PAX2: variants seen among roughly 807,000 people sequenced by gnomAD.
The protein encoded by PAX2 is paired box protein Pax-2.
In PAX2, 9 loss-of-function variants were observed where a neutral mutation model predicts 41.7. The ratio of observed to expected loss-of-function variants is 0.22; its 90% confidence interval spans 0.13 to 0.38. The LOEUF (loss-of-function observed/expected upper bound fraction) is 0.38, where lower values mean the gene tolerates loss of function less well. PAX2 is among the 10% of genes least tolerant of loss of function. The probability of loss-of-function intolerance (pLI) is 1.00; values close to 1 mark genes in which losing one functional copy is unlikely to be tolerated. For missense variants in PAX2, 418 were observed against 531.6 expected (o/e 0.79, Z 2.10); for synonymous variants, 221 against 212.7 (o/e 1.04, Z -0.34).
chr10:100,748,369 C>G lies in PAX2; in HGVS notation c.44-1377C>G, dbSNP rs1367388553. 2.0e-6 allele frequency: 2 copies of G among 984,060 alleles called. No homozygotes were observed. The highest frequency in any genetic ancestry group is 2.4e-6 in the Non-Finnish European group (2 of 829,154). 61.0% of individuals were successfully genotyped at this position (984,060 alleles called of 1,614,324 possible). A position where few individuals can be genotyped will look rare whatever the true frequency, so the allele number is the denominator to read the frequency against. ...GGTAAAAGAAGGGGCTTCAGTCTCTCCCAGCAACGCGATCAGAGGTCTTTC... is the reference window on the plus strand; with the variant it reads ...GGTAAAAGAAGGGGCTTCAGTCTCTGCCAGCAACGCGATCAGAGGTCTTTC... On this transcript the variant is annotated intron_variant, in intron 1 of 9. Transcript: ENST00000355243. The surrounding 1 kb of genome is among the most constrained non-coding windows in gnomAD (Gnocchi z 5.0).
At chr10:100,778,996 T>A (rs1362947209) in intron 3 of PAX2, among the ~76,000 whole-genome samples, 4 of 152,118 alleles carry the variant, frequency 2.6e-5, no homozygotes, top group Non-Finnish European at 5.9e-5. Context: ...TACTTCTCAT[T>A]CTTTCAGGAT....
intron 1 of PAX2, among the ~76,000 whole-genome samples, chr10:100,737,764 G>A (rs1844826448): frequency 6.6e-6 from 1 of 152,194 alleles, no homozygotes; most frequent in Non-Finnish European, 1.5e-5. Context: ...AGACGGCCCC[G>A]AGCCCTTTTG....
upstream of PAX2, among the ~76,000 whole-genome samples, chr10:100,742,338 G>A (rs1844985519): frequency 1.2e-5 from 1 of 85,840 alleles, no homozygotes; most frequent in Admixed American, 1.3e-4. Flanking sequence ...GCCGGTGCGT[G>A]GGTACACTCG....
At chr10:100,793,138 C>G (rs1421444103) in intron 5 of PAX2, among the ~76,000 whole-genome samples, 2 of 152,190 alleles carry the variant, frequency 1.3e-5, no homozygotes, top group Non-Finnish European at 2.9e-5. Context: ...TGGAGCCAAA[C>G]GGGGACAGCA....
chr10:100,804,592 G>A (rs538225166), intron 5 of PAX2, among the ~76,000 whole-genome samples: 5 of 152,216 alleles, frequency 3.3e-5, no homozygotes, highest in South Asian at 4.1e-4. Flanking sequence ...AAAAGAAGTA[G>A]GCACAGGAGA....
At position 100,827,456 on chromosome 10, in the gene PAX2, G is replaced by A. The variant is rs1024876374; in HGVS notation, c.1109-87G>A. 6 of 1,343,792 alleles carry A rather than the reference G, an allele frequency of 4.5e-6. No homozygotes were observed. The highest frequency in any genetic ancestry group is 2.9e-5 in the African/African-American group (2 of 69,280). The allele number at this position is 1,343,792 out of a possible 1,614,324, so 83.2% of individuals were successfully genotyped here. A position where few individuals can be genotyped will look rare whatever the true frequency, so the allele number is the denominator to read the frequency against. ...CGGATCCCGCTGGACCCCAGCCAGG[G>A]GAGGTCTTTTCTGTGCTTTTCTTTC... On this transcript the variant is annotated intron_variant, in intron 9 of 9. Transcript: ENST00000355243. The surrounding 1 kb of genome is among the most constrained non-coding windows in gnomAD (Gnocchi z 8.5).
chr10:100,820,953 T>A (rs947804092), intron 7 of PAX2, among the ~76,000 whole-genome samples: 1 of 152,200 alleles, frequency 6.6e-6, no homozygotes, highest in Admixed American at 6.5e-5. Flanking sequence ...TCTGTGCTTT[T>A]GCTTGTTTGT....
intron 3 of PAX2, among the ~76,000 whole-genome samples, chr10:100,774,349 C>T (rs916845759): frequency 6.6e-6 from 1 of 152,116 alleles, no homozygotes; most frequent in Non-Finnish European, 1.5e-5. Flanking sequence ...AGTCCTGCCA[C>T]GACCCCCTGC....
chr10:100,746,034 A>C lies in PAX2; in HGVS notation c.-227A>C. On this transcript the variant is annotated 5_prime_UTR_variant, in exon 1 of 10. Coordinates refer to ENST00000355243, the MANE Select transcript of PAX2 (RefSeq NM_000278.5). The stretch of plus-strand genomic sequence containing the variant: ...GCTGACCGCCCAGCCCCGAGCCCCG[A>C]CAGTGGCAAGTTGCGGCTACTGCAG... The C allele has an allele frequency of 7.0e-7, 1 of 1,435,390 alleles. No homozygotes were observed. Among genetic ancestry groups the C allele is most frequent in the East Asian group, 2.6e-5 (1 of 38,854 alleles). The allele number at this position is 1,435,390 out of a possible 1,614,324, so 88.9% of individuals were successfully genotyped here.
intron 5 of PAX2, among the ~76,000 whole-genome samples, chr10:100,805,001 C>CCT (rs1847712509): frequency 1.7e-4 from 11 of 64,294 alleles, no homozygotes; most frequent in South Asian, 5.1e-4. Context: ...CTCTCTCCTT[C>CCT]TCTCTCTCTC....
intron 3 of PAX2, among the ~76,000 whole-genome samples, chr10:100,769,256 A>G (rs1180181936): frequency 6.6e-6 from 1 of 152,230 alleles, no homozygotes; most frequent in African/African-American, 2.4e-5. Context: ...AAGTTAAATA[A>G]TCCATATAAA....
In PAX2 at chr10:100,748,003, C is replaced by CGCG. The variant is rs1564704807; in HGVS notation, c.43+1702_43+1704dup. 1.0e-6 allele frequency: 1 copy of CGCG among 984,322 alleles called. No homozygotes were observed. The highest frequency in any genetic ancestry group is 1.2e-4 in the East Asian group (1 of 8,566). 61.0% of individuals were successfully genotyped at this position (984,322 alleles called of 1,614,324 possible). A position where few individuals can be genotyped will look rare whatever the true frequency, so the allele number is the denominator to read the frequency against. ...GAGGGAGAGAGCCGCAGCGCGGGCC[C>CGCG]GCGGGCCGGTGGACTGGTGGGTGAG... On this transcript the variant is annotated intron_variant, in intron 1 of 9. Coordinates refer to ENST00000355243, the MANE Select transcript of PAX2 (RefSeq NM_000278.5). This position sits in a 1 kb window ranked among gnomAD's most constrained non-coding sequence, Gnocchi z 5.0.
chr10:100,807,894 C>G (rs965734811), intron 6 of PAX2, among the ~76,000 whole-genome samples: 1 of 152,248 alleles, frequency 6.6e-6, no homozygotes, highest in African/African-American at 2.4e-5. Flanking sequence ...CCTTTCTCCC[C>G]GCCCGTCCTT....
At chr10:100,742,809 TTC>T (rs1479679427), upstream of PAX2, among the ~76,000 whole-genome samples, 1 of 150,252 alleles carries the variant, frequency 6.7e-6, no homozygotes, top group Non-Finnish European at 1.5e-5. Context: ...TTTTCTTTCT[TTC>T]TCTTTCTTTT....
chr10:100,750,970 C>T lies in PAX2; in HGVS notation c.410+79C>T. ...TGCAGGGGTGTCCCACGCCCAGTCTCTGCTCTTTGTCCAGCCTCTGCCCTT... is the reference window on the plus strand; with the variant it reads ...TGCAGGGGTGTCCCACGCCCAGTCTTTGCTCTTTGTCCAGCCTCTGCCCTT... On this transcript the variant is annotated intron_variant, in intron 3 of 9. Coordinates refer to ENST00000355243, the MANE Select transcript of PAX2 (RefSeq NM_000278.5). This position sits in a 1 kb window ranked among gnomAD's most constrained non-coding sequence, Gnocchi z 4.1. The T allele has an allele frequency of 9.1e-7, 1 of 1,101,712 alleles. No homozygotes were observed. Among genetic ancestry groups the T allele is most frequent in the Non-Finnish European group, 1.4e-6 (1 of 721,230 alleles). The allele number at this position is 1,101,712 out of a possible 1,614,324, so 68.2% of individuals were successfully genotyped here. A position where few individuals can be genotyped will look rare whatever the true frequency, so the allele number is the denominator to read the frequency against.
chr10:100,807,495 C>T (rs1400066760), intron 6 of PAX2, among the ~76,000 whole-genome samples: 1 of 151,696 alleles, frequency 6.6e-6, no homozygotes, highest in African/African-American at 2.4e-5. Flanking sequence ...TCCACCTGCT[C>T]CCCCGACCAC....
rs1589810511 is a variant in PAX2 at position 100,748,974 on chromosome 10, C to G, written c.44-772C>G. On this transcript the variant is annotated intron_variant, in intron 1 of 9. Transcript: ENST00000355243. The surrounding 1 kb of genome is among the most constrained non-coding windows in gnomAD (Gnocchi z 5.0). ...AGCCCAAGCAGCCGGCATTCTCTGCCTGCTGCCTGGAGCCGCTCTGCCTCC... is the reference window on the plus strand; with the variant it reads ...AGCCCAAGCAGCCGGCATTCTCTGCGTGCTGCCTGGAGCCGCTCTGCCTCC... The G allele has an allele frequency of 1.0e-6, 1 of 985,450 alleles. No homozygotes were observed. The highest frequency in any genetic ancestry group is 1.1e-4 in the East Asian group (1 of 8,810). The allele number at this position is 985,450 out of a possible 1,614,324, so 61.0% of individuals were successfully genotyped here. A position where few individuals can be genotyped will look rare whatever the true frequency, so the allele number is the denominator to read the frequency against.
At chr10:100,825,241 A>C (rs1848508242) in intron 8 of PAX2, among the ~76,000 whole-genome samples, 1 of 152,090 alleles carries the variant, frequency 6.6e-6, no homozygotes, top group Non-Finnish European at 1.5e-5. Context: ...CCCAACCCAG[A>C]GACAGTAGGG....
chr10:100,771,403 C>G (rs1351072169), intron 3 of PAX2, among the ~76,000 whole-genome samples: 1 of 152,208 alleles, frequency 6.6e-6, no homozygotes, highest in Admixed American at 6.5e-5. Context: ...CCTCTAAACT[C>G]AGCCCAAACT....
Sources: allele counts gnomAD v4.1 joint callset (sites outside exome capture counted in the v4.1 genomes callset), GRCh38; gene constraint gnomAD v4.1.1; non-coding constraint Gnocchi (gnomAD v3.1); transcripts MANE v1.5; gene names NCBI Gene and HGNC (gene_info 2026-07-23, HGNC 2026-07-21).